Variants in RBPJ observed in about 807,000 individuals in gnomAD.
The protein encoded by RBPJ is recombination signal binding protein for immunoglobulin kappa J region, also known as recombining binding protein suppressor of hairless.
In RBPJ, 9 loss-of-function variants were observed where a neutral mutation model predicts 67.8. The ratio of observed to expected loss-of-function variants is 0.13; its 90% confidence interval spans 0.08 to 0.23. The LOEUF (loss-of-function observed/expected upper bound fraction) is 0.23, where lower values mean the gene tolerates loss of function less well. RBPJ is among the 10% of genes least tolerant of loss of function. The pLI, the probability that RBPJ is intolerant of heterozygous loss-of-function variation, is 1.00. For synonymous variants in RBPJ, 198 were observed against 203.3 expected (o/e 0.97, Z 0.22); for missense variants, 305 against 595.6 (o/e 0.51, Z 5.08).
At chr4:26,109,006 C>T in the RBPJ span, among the ~76,000 whole-genome samples, 1 of 152,198 alleles carries the variant, frequency 6.6e-6, no homozygotes, top group East Asian at 1.9e-4. Flanking sequence ...GTGAGCTCCA[C>T]ACCCAGGCTG....
upstream of RBPJ, among the ~76,000 whole-genome samples, chr4:26,318,942 AG>A (rs1211093229): frequency 7.1e-6 from 1 of 141,010 alleles, no homozygotes; most frequent in Non-Finnish European, 1.5e-5. Context: ...GCTTGCAGTG[AG>A]CCGAGATCGC....
chr4:26,114,260 A>G, the RBPJ span, among the ~76,000 whole-genome samples: 49 of 152,150 alleles, frequency 3.2e-4, no homozygotes, highest in Non-Finnish European at 1.3e-4. Context: ...GGAGTTCGAG[A>G]CCAGCCTGAC....
the RBPJ span, among the ~76,000 whole-genome samples, chr4:26,139,464 A>G: frequency 6.6e-6 from 1 of 152,228 alleles, no homozygotes; most frequent in Non-Finnish European, 1.5e-5. Context: ...CCACAGTGGC[A>G]TGCGGGCTCC....
chr4:26,241,129 C>T (rs1577506392), intron 1 of RBPJ, among the ~76,000 whole-genome samples: 1 of 151,258 alleles, frequency 6.6e-6, no homozygotes, highest in Non-Finnish European at 1.5e-5. Context: ...CCTGGGAATC[C>T]GAGGTTGCAG....
intron 1 of RBPJ, among the ~76,000 whole-genome samples, chr4:26,186,058 A>G (rs746245811): frequency 1.3e-5 from 2 of 152,138 alleles, no homozygotes; most frequent in Non-Finnish European, 2.9e-5. Flanking sequence ...AGAAAAAAAC[A>G]AAAAGAAAAA....
At chr4:26,227,811 G>T (rs536756592) in intron 1 of RBPJ, among the ~76,000 whole-genome samples, 1 of 152,324 alleles carries the variant, frequency 6.6e-6, no homozygotes, top group East Asian at 1.9e-4. Flanking sequence ...ATGTCAGCAC[G>T]CTTGCTCCAT....
intron 1 of RBPJ, among the ~76,000 whole-genome samples, chr4:26,368,473 G>A (rs746259024): frequency 6.6e-6 from 1 of 152,082 alleles, no homozygotes; most frequent in African/African-American, 2.4e-5. Context: ...TTGGAAGCAC[G>A]AGGTTTTGTG....
chr4:26,274,446 G>A (rs529862710), intron 1 of RBPJ, among the ~76,000 whole-genome samples: 76 of 152,218 alleles, frequency 5.0e-4, no homozygotes, highest in Middle Eastern at 3.4e-3. Flanking sequence ...TGGGCAACAC[G>A]GCAAAACCCT....
At chr4:26,340,783 C>G (rs528208516) in intron 1 of RBPJ, among the ~76,000 whole-genome samples, 1 of 151,082 alleles carries the variant, frequency 6.6e-6, no homozygotes, top group African/African-American at 2.4e-5. Flanking sequence ...CGCTTGAACC[C>G]GGGAGGCGGA....
chr4:26,269,921 A>G (rs1368255833), intron 1 of RBPJ, among the ~76,000 whole-genome samples: 1 of 152,142 alleles, frequency 6.6e-6, no homozygotes, highest in Non-Finnish European at 1.5e-5. Context: ...CACTTAGGAA[A>G]GAGTTAATGA....
intron 1 of RBPJ, among the ~76,000 whole-genome samples, chr4:26,178,133 A>G (rs1247072176): frequency 1.3e-5 from 2 of 152,232 alleles, no homozygotes; most frequent in Non-Finnish European, 2.9e-5. Flanking sequence ...CCATTGGCAC[A>G]TGGTCTCCCC....
intron 1 of RBPJ, among the ~76,000 whole-genome samples, chr4:26,244,450 C>CATATGTGTGT (rs1719851128): frequency 6.8e-5 from 2 of 29,536 alleles, no homozygotes; most frequent in Admixed American, 6.1e-4. Context: ...TGTGTGTATA[C>CATATGTGTGT]ATATATGTGT....
intron 1 of RBPJ, among the ~76,000 whole-genome samples, chr4:26,329,201 G>A (rs972867226): frequency 6.6e-6 from 1 of 152,080 alleles, no homozygotes; most frequent in Non-Finnish European, 1.5e-5. Flanking sequence ...CCATGTTGGT[G>A]AGACTGGTCT....
intron 1 of RBPJ, among the ~76,000 whole-genome samples, chr4:26,350,065 T>A (rs1389112787): frequency 6.6e-6 from 1 of 152,270 alleles, no homozygotes; most frequent in Non-Finnish European, 1.5e-5. Flanking sequence ...GCTCTAGCTC[T>A]GAACCTACAA....
At chr4:26,361,947 A>G (rs894777439) in intron 1 of RBPJ, among the ~76,000 whole-genome samples, 1 of 152,212 alleles carries the variant, frequency 6.6e-6, no homozygotes, top group African/African-American at 2.4e-5. Context: ...GAATGCCACT[A>G]TAGAAGTAAT....
intron 1 of RBPJ, among the ~76,000 whole-genome samples, chr4:26,378,104 C>T (rs1729947155): frequency 6.6e-6 from 1 of 151,994 alleles, no homozygotes; most frequent in African/African-American, 2.4e-5. Flanking sequence ...GGGCCAGTTC[C>T]TCAGTTTTTT....
chr4:26,182,930 A>G (rs1481725881), intron 1 of RBPJ, among the ~76,000 whole-genome samples: 1 of 152,120 alleles, frequency 6.6e-6, no homozygotes, highest in African/African-American at 2.4e-5. Flanking sequence ...GGGCAATAAC[A>G]TGCATAGAAC....
chr4:26,172,412 T>C (rs1331888142), intron 1 of RBPJ, among the ~76,000 whole-genome samples: 1 of 152,214 alleles, frequency 6.6e-6, no homozygotes, highest in Non-Finnish European at 1.5e-5. Flanking sequence ...GAATAGACTC[T>C]TAGGATAAAT....
chr4:26,418,221 T>G (rs1734779381), intron 4 of RBPJ, among the ~76,000 whole-genome samples: 1 of 152,220 alleles, frequency 6.6e-6, no homozygotes, highest in Non-Finnish European at 1.5e-5. Context: ...CAAAGAGTAT[T>G]TCTAGAGAGA....
Sources: gnomAD v4.1 joint callset for allele counts (sites outside exome capture counted in the v4.1 genomes callset) on GRCh38, gnomAD v4.1.1 for gene constraint, MANE v1.5 for transcripts, NCBI Gene and HGNC (gene_info 2026-07-23, HGNC 2026-07-21) for gene names.